CRACR2A: variants seen among roughly 807,000 people sequenced by gnomAD.
CRACR2A encodes the protein EF-hand calcium-binding domain-containing protein 4B.
Under a neutral mutation model 90.5 loss-of-function variants are expected in CRACR2A, and 79 were observed. That is an observed-to-expected ratio of 0.87 (90% CI 0.73 to 1.05). The LOEUF is 1.05. Ranked by LOEUF, CRACR2A falls within the 50% of genes least tolerant of loss-of-function variation. The pLI, the probability that CRACR2A is intolerant of heterozygous loss-of-function variation, is 0.00. For synonymous variants in CRACR2A, 338 were observed against 356.7 expected, an observed-to-expected ratio of 0.95 and a Z score of 0.59; for missense variants, 823 against 897.2, an observed-to-expected ratio of 0.92 and a Z score of 1.06.
intron 18 of CRACR2A, 109 bp from the exon 19 acceptor site, chr12:3,617,139 G>A (rs1276607448): frequency 1.0e-5 from 8 of 778,766 alleles, no homozygotes; most frequent in South Asian, 4.9e-5. Context: ...ACTTCCTCTC[G>A]CAGCCCCTTG....
intron 10 of CRACR2A, among the ~76,000 whole-genome samples, chr12:3,649,808 GAAGA>G (rs1457730909): frequency 4.0e-5 from 6 of 151,858 alleles, no homozygotes; most frequent in African/African-American, 1.4e-4. Flanking sequence ...AGCAAAGAAG[GAAGA>G]AAGGGAGGGA....
Position 3,753,083 on chromosome 12 carries a change from C to T in CRACR2A, c.-455G>A, listed in dbSNP as rs564839698. 6 of 152,546 alleles carry T rather than the reference C, an allele frequency of 3.9e-5. 1 individual carries two copies. The highest frequency in any genetic ancestry group is 3.9e-4 in the Admixed American group (6 of 15,316). The allele number at this position is 152,546 out of a possible 1,614,324, so 9.4% of individuals were successfully genotyped here. A position where few individuals can be genotyped will look rare whatever the true frequency, so the allele number is the denominator to read the frequency against. ...TCGGCTCTCAGCTGTCAAGCAGCCG[C>T]CTGCTCCGCCCGACTCTTTCCGCTC... On this transcript the variant is annotated 5_prime_UTR_variant, in exon 1 of 20. Coordinates refer to ENST00000440314, the MANE Select transcript of CRACR2A (RefSeq NM_001144958.2).
At chr12:3,616,747 C>A (rs1291307214) in intron 19 of CRACR2A, among the ~76,000 whole-genome samples, 6 of 152,222 alleles carry the variant, frequency 3.9e-5, no homozygotes, top group Admixed American at 2.0e-4. Context: ...CTTTCTTTCC[C>A]AACATCATTG....
chr12:3,683,504 C>T (rs1363827231), intron 4 of CRACR2A, among the ~76,000 whole-genome samples: 1 of 152,204 alleles, frequency 6.6e-6, no homozygotes, highest in Non-Finnish European at 1.5e-5. Context: ...AACTCCTTGG[C>T]TCCTTTAAAC....
At position 3,659,551 on chromosome 12, in the gene CRACR2A, A is replaced by G. The variant is rs1431113054; in HGVS notation, c.762+13T>C. On this transcript the variant is annotated intron_variant, in intron 8 of 19. Transcript: ENST00000440314. ...GCTGGCCTCAGAGCCAAGCCTGGGG[A>G]GCGTACACTTACCTTCAGGAGAAAC... The G allele has an allele frequency of 6.2e-7, 1 of 1,613,114 alleles. No homozygotes were observed. The highest frequency in any genetic ancestry group is 8.5e-7 in the Non-Finnish European group (1 of 1,179,138).
At chr12:3,685,878 G>C (rs1945544053) in intron 4 of CRACR2A, among the ~76,000 whole-genome samples, 2 of 152,314 alleles carry the variant, frequency 1.3e-5, no homozygotes, top group Non-Finnish European at 2.9e-5. Context: ...GGTTACAATG[G>C]TAAATTGTGT....
At position 3,638,242 on chromosome 12, in the gene CRACR2A, G is replaced by A; in HGVS notation, c.1484C>T (p.Ser495Leu). The A allele has an allele frequency of 6.4e-7, 1 of 1,551,676 alleles. No homozygotes were observed. Among genetic ancestry groups the A allele is most frequent in the Non-Finnish European group, 8.7e-7 (1 of 1,146,978 alleles). ...GGFEQPLSKCSEEEEVSDQGV... is the reference protein window; with the variant it reads ...GGFEQPLSKCLEEEEVSDQGV... ...CTGGTCAGAGACCTCTTCCTCTTCTGAGCATTTGCTCAGGGGTTGCTCAAA... is the reference window on the plus strand; with the variant it reads ...CTGGTCAGAGACCTCTTCCTCTTCTAAGCATTTGCTCAGGGGTTGCTCAAA... The change falls in exon 14 of 20, where the codon TCA (serine) becomes TTA (leucine). Residue 495 changes from serine to leucine, a missense_variant. Coordinates refer to ENST00000440314, the MANE Select transcript of CRACR2A (RefSeq NM_001144958.2).
intron 4 of CRACR2A, among the ~76,000 whole-genome samples, chr12:3,684,925 T>A (rs1945525936): frequency 6.6e-6 from 1 of 152,228 alleles, no homozygotes; most frequent in African/African-American, 2.4e-5. Context: ...CAGCTGTGTG[T>A]GGGAGCCGCC....
intron 10 of CRACR2A, 119 bp downstream of exon 10, chr12:3,654,093 C>T: frequency 8.3e-7 from 1 of 1,203,440 alleles, no homozygotes; most frequent in East Asian, 2.4e-5. Flanking sequence ...CAGGGAGCAA[C>T]AAGCCCAAAT....
chr12:3,750,463 C>A (rs1308020184), intron 1 of CRACR2A, among the ~76,000 whole-genome samples: 1 of 152,158 alleles, frequency 6.6e-6, no homozygotes, highest in East Asian at 1.9e-4. Flanking sequence ...TGTAAGAGGC[C>A]GTGGACCTGC....
chr12:3,617,663 T>A (rs1208855142), intron 18 of CRACR2A, among the ~76,000 whole-genome samples: 1 of 152,248 alleles, frequency 6.6e-6, no homozygotes, highest in African/African-American at 2.4e-5. Flanking sequence ...GCTGCCTGCA[T>A]GGTGCGGGAG....
At chr12:3,751,913 T>C (rs921360318) in intron 1 of CRACR2A, among the ~76,000 whole-genome samples, 1 of 152,286 alleles carries the variant, frequency 6.6e-6, no homozygotes, top group East Asian at 1.9e-4. Flanking sequence ...CATGAGGTTG[T>C]ACATATTCAT....
chr12:3,720,969 C>A (rs1390307364), intron 2 of CRACR2A, among the ~76,000 whole-genome samples: 3 of 152,168 alleles, frequency 2.0e-5, no homozygotes, highest in African/African-American at 7.2e-5. Flanking sequence ...ACTTTATTAC[C>A]CGCCTGTGGC....
intron 13 of CRACR2A, chr12:3,640,846 A>G: frequency 1.5e-6 from 2 of 1,297,794 alleles, no homozygotes; most frequent in Non-Finnish European, 2.0e-6. Flanking sequence ...TCAATGAGCA[A>G]TGAGCCAACC....
rs751047894 is a variant in CRACR2A at position 3,654,443 on chromosome 12, A to T, written c.859-44T>A. The T allele has an allele frequency of 7.8e-6, 12 of 1,530,866 alleles. No individual in the cohort carries two copies. In the African/African-American group the frequency reaches 1.7e-4, roughly 21 times the overall value. 94.8% of individuals were successfully genotyped at this position (1,530,866 alleles called of 1,614,324 possible). A position where few individuals can be genotyped will look rare whatever the true frequency, so the allele number is the denominator to read the frequency against. On this transcript the variant is annotated intron_variant, in intron 9 of 19. Coordinates refer to ENST00000440314, the MANE Select transcript of CRACR2A (RefSeq NM_001144958.2). ...CAGAGGGGAATGAGGAGTGACCACC[A>T]TTTTCAGGAGGGCCTGCCCTGGCCT...
chr12:3,676,099 ACCATCCATCCATCCAT>A (rs55661360), intron 6 of CRACR2A, among the ~76,000 whole-genome samples: 1 of 150,874 alleles, frequency 6.6e-6, no homozygotes. Context: ...ACTTATTTAG[ACCATCCATCCATCCAT>A]CCATCCACCC....
intron 17 of CRACR2A, 132 bp from the exon 18 acceptor site, chr12:3,619,504 CAG>C (rs1277894342): frequency 4.4e-6 from 3 of 687,040 alleles, no homozygotes; most frequent in East Asian, 2.7e-5. Context: ...GAGGCCGTAA[CAG>C]AGTCATCCTG....
intron 17 of CRACR2A, among the ~76,000 whole-genome samples, chr12:3,623,532 G>A (rs1944192495): frequency 6.6e-6 from 1 of 152,182 alleles, no homozygotes; most frequent in Non-Finnish European, 1.5e-5. Context: ...AGGCCCCAGA[G>A]TCTTCTGATG....
intron 17 of CRACR2A, among the ~76,000 whole-genome samples, chr12:3,621,251 C>T (rs1944123081): frequency 6.6e-6 from 1 of 152,104 alleles, no homozygotes; most frequent in Non-Finnish European, 1.5e-5. Flanking sequence ...GCTTCTGTTT[C>T]CTCGCTTGCA....
Sources: gnomAD v4.1 joint callset for allele counts (sites outside exome capture counted in the v4.1 genomes callset) on GRCh38, gnomAD v4.1.1 for gene constraint, MANE v1.5 for transcripts, NCBI Gene and HGNC (gene_info 2026-07-23, HGNC 2026-07-21) for gene names.